The following PTPRM variants were observed in gnomAD, a reference collection of about 807,000 sequenced individuals.
PTPRM encodes protein tyrosine phosphatase receptor type M.
PTPRM carries 47 observed loss-of-function variants against 186.7 expected under a neutral mutation model. The ratio of observed to expected loss-of-function variants is 0.25; its 90% CI spans 0.20 to 0.32. The LOEUF (loss-of-function observed/expected upper bound fraction) is 0.32, where lower values mean the gene tolerates loss of function less well. Among genes scored for constraint, PTPRM ranks in the 10% least tolerant of loss-of-function variants. PTPRM has a pLI of 1.00. For synonymous variants in PTPRM, 668 were observed against 674.9 expected (o/e 0.99, Z 0.16); for missense variants, 1,494 against 1,865.0 (o/e 0.80, Z 3.66).
intron 14 of PTPRM, among the ~76,000 whole-genome samples, chr18:8,224,810 C>T (rs529047661): frequency 1.2e-3 from 176 of 152,300 alleles, no homozygotes; most frequent in Non-Finnish European, 2.1e-3. Flanking sequence ...TGTCATTTAA[C>T]GCGTCCCTCA....
intron 17 of PTPRM, among the ~76,000 whole-genome samples, chr18:8,249,961 A>G (rs1437222376): frequency 2.1e-5 from 3 of 145,894 alleles, no homozygotes; most frequent in South Asian, 2.1e-4. Context: ...ATGTGAATCT[A>G]TGTATTGAGT....
intron 23 of PTPRM, among the ~76,000 whole-genome samples, chr18:8,367,652 C>T (rs554306251): frequency 2.0e-5 from 3 of 152,344 alleles, no homozygotes; most frequent in Admixed American, 6.5e-5. Flanking sequence ...GACAGCCAGC[C>T]CGAGAGGGCC....
intron 14 of PTPRM, among the ~76,000 whole-genome samples, chr18:8,172,819 A>G (rs1243469413): frequency 2.0e-5 from 3 of 152,184 alleles, no homozygotes; most frequent in Non-Finnish European, 4.4e-5. Flanking sequence ...TCATCTCACC[A>G]GCAAACACCA....
At chr18:7,695,566 A>G (rs1479690869) in intron 1 of PTPRM, among the ~76,000 whole-genome samples, 1 of 152,212 alleles carries the variant, frequency 6.6e-6, no homozygotes, top group East Asian at 1.9e-4. Flanking sequence ...ATCATTTTAT[A>G]ATTTTAGAGC....
chr18:8,189,329 A>G (rs1219662952), intron 14 of PTPRM, among the ~76,000 whole-genome samples: 2 of 150,756 alleles, frequency 1.3e-5, no homozygotes, highest in Non-Finnish European at 2.9e-5. Flanking sequence ...AAGGTAAATG[A>G]AGAAAACATC....
intron 1 of PTPRM, among the ~76,000 whole-genome samples, chr18:7,652,661 C>G (rs2038742167): frequency 1.3e-5 from 2 of 149,216 alleles, no homozygotes; most frequent in South Asian, 2.1e-4. Flanking sequence ...GAACAAAAAA[C>G]CAAACACCGC....
At chr18:8,040,967 G>T (rs1363691943) in intron 7 of PTPRM, among the ~76,000 whole-genome samples, 1 of 152,174 alleles carries the variant, frequency 6.6e-6, no homozygotes, top group African/African-American at 2.4e-5. Context: ...ATGCAGTCTT[G>T]TCACTTGGGT....
At chr18:7,681,758 A>T (rs1040032747) in intron 1 of PTPRM, among the ~76,000 whole-genome samples, 1 of 152,166 alleles carries the variant, frequency 6.6e-6, no homozygotes, top group African/African-American at 2.4e-5. Context: ...AAGTTCTAAC[A>T]TTATTTTTTT....
chr18:8,178,679 C>T (rs573135615), intron 14 of PTPRM, among the ~76,000 whole-genome samples: 122 of 152,072 alleles, frequency 8.0e-4, no homozygotes, highest in South Asian at 2.1e-3. Context: ...CCCAGCTACT[C>T]GGGAAGCTAA....
At chr18:8,391,619 G>A (rs2095813470) in intron 31 of PTPRM, among the ~76,000 whole-genome samples, 1 of 152,228 alleles carries the variant, frequency 6.6e-6, no homozygotes, top group South Asian at 2.1e-4. Context: ...ACGTGAGGGA[G>A]CCTCTTGGGG....
At chr18:7,722,073 G>A (rs1025886236) in intron 1 of PTPRM, among the ~76,000 whole-genome samples, 1 of 152,184 alleles carries the variant, frequency 6.6e-6, no homozygotes, top group Non-Finnish European at 1.5e-5. Flanking sequence ...TGACAAGTAT[G>A]TAAGGACATG....
chr18:8,252,779 G>A (rs2094539990), intron 18 of PTPRM, among the ~76,000 whole-genome samples: 1 of 152,132 alleles, frequency 6.6e-6, no homozygotes, highest in African/African-American at 2.4e-5. Context: ...CATTTCCATT[G>A]CTAGCTTTAT....
chr18:8,155,980 C>A (rs919563364), intron 14 of PTPRM, among the ~76,000 whole-genome samples: 2 of 152,216 alleles, frequency 1.3e-5, no homozygotes, highest in African/African-American at 4.8e-5. Flanking sequence ...TAAGTATGAA[C>A]CAGATGCTGA....
intron 1 of PTPRM, among the ~76,000 whole-genome samples, chr18:7,599,549 C>A (rs2037348437): frequency 6.6e-6 from 1 of 152,214 alleles, no homozygotes; most frequent in Non-Finnish European, 1.5e-5. Flanking sequence ...CAGCTCTCAT[C>A]ATTTCTTTCT....
intron 1 of PTPRM, among the ~76,000 whole-genome samples, chr18:7,706,847 T>G (rs564117104): frequency 3.9e-5 from 6 of 152,068 alleles, no homozygotes; most frequent in Non-Finnish European, 8.8e-5. Flanking sequence ...TGAGTTAGGA[T>G]TTTTAAAAAA....
intron 7 of PTPRM, among the ~76,000 whole-genome samples, chr18:8,021,641 G>A (rs2085243682): frequency 6.6e-6 from 1 of 152,228 alleles, no homozygotes; most frequent in Non-Finnish European, 1.5e-5. Context: ...GTTCCTGTGT[G>A]TGTTTGCTGA....
In PTPRM at chr18:8,181,422, G is replaced by A. The variant is rs116370701; in HGVS notation, c.2300+37643G>A. On this transcript the variant is annotated intron_variant, in intron 14 of 32. Transcript: ENST00000580170. ...TTCTGCTGAGCCTATCACAGAGGGC[G>A]GCGACCTCTGCGGATCACGCACATC... Among the ~76,000 whole-genome samples the A allele has an allele frequency of 4.9e-3, 747 of 152,258 alleles. 8 individuals are homozygous for A. The highest frequency in any genetic ancestry group is 0.017 in the African/African-American group (698 of 41,568).
chr18:8,167,907 G>T (rs1249402996), intron 14 of PTPRM, among the ~76,000 whole-genome samples: 1 of 152,238 alleles, frequency 6.6e-6, no homozygotes, highest in Non-Finnish European at 1.5e-5. Flanking sequence ...GAAGTGGCAT[G>T]TTAAGCCTTT....
At chr18:7,966,395 C>A (rs1343958556) in intron 7 of PTPRM, among the ~76,000 whole-genome samples, 1 of 152,188 alleles carries the variant, frequency 6.6e-6, no homozygotes, top group Non-Finnish European at 1.5e-5. Flanking sequence ...TCCATCTGGA[C>A]AAGTGACTGT....
Sources: allele counts gnomAD v4.1 joint callset (sites outside exome capture counted in the v4.1 genomes callset), GRCh38; gene constraint gnomAD v4.1.1; transcripts MANE v1.5; gene names NCBI Gene and HGNC (gene_info 2026-07-23, HGNC 2026-07-21).